Variants in THSD7A observed in about 807,000 individuals in gnomAD.
THSD7A encodes thrombospondin type-1 domain-containing protein 7A.
THSD7A carries 96 observed loss-of-function variants against 231.3 expected under a neutral mutation model. The ratio of observed to expected loss-of-function variants is 0.41; its 90% CI spans 0.35 to 0.49. The LOEUF (loss-of-function observed/expected upper bound fraction) is 0.49. Among genes scored for constraint, THSD7A ranks in the 20% least tolerant of loss-of-function variants. The pLI is 0.05. For synonymous variants in THSD7A, 940 were observed against 743.3 expected, an observed-to-expected ratio of 1.26 and a Z score of -4.30; for missense variants, 2,290 against 2,070.2, an observed-to-expected ratio of 1.11 and a Z score of -2.06.
chr7:11,432,477 C>A (rs1340160295), intron 13 of THSD7A, among the ~76,000 whole-genome samples: 2 of 152,018 alleles, frequency 1.3e-5, no homozygotes, highest in East Asian at 3.9e-4. Flanking sequence ...CAGCCACTGC[C>A]CCTTCTTACA....
intron 1 of THSD7A, among the ~76,000 whole-genome samples, chr7:11,819,372 G>C (rs1380547514): frequency 2.6e-5 from 4 of 152,102 alleles, no homozygotes; most frequent in Non-Finnish European, 4.4e-5. Context: ...ACAAAAATAT[G>C]CACATGAATA....
At position 11,636,923 on chromosome 7, in the gene THSD7A, C is replaced by G. The variant is rs774611290; in HGVS notation, c.229G>C (p.Gly77Arg). 1 of 1,612,450 alleles carries G rather than the reference C, an allele frequency of 6.2e-7. No individual in the cohort carries two copies. The highest frequency in any genetic ancestry group is 8.5e-7 in the Non-Finnish European group (1 of 1,179,674). Residue 77 changes from glycine to arginine, a missense_variant, in exon 2 of 28, where the codon GGA becomes CGA. Gly to Arg is a moderately radical substitution (Grantham distance 125). Coordinates refer to ENST00000423059, the MANE Select transcript of THSD7A (RefSeq NM_015204.3). This position sits in a 1 kb window ranked among gnomAD's most constrained non-coding sequence, Gnocchi z 10.0. ...CACACAGCCCTCGTTTGGATGCCTC[C>G]GGGACCACATTCATCTCCCATACAT... ...GRCMGDECGP[G>R]GIQTRAVWCA...
intron 1 of THSD7A, among the ~76,000 whole-genome samples, chr7:11,727,498 A>G (rs1781586351): frequency 6.6e-6 from 1 of 152,006 alleles, no homozygotes; most frequent in Non-Finnish European, 1.5e-5. Context: ...AATACTTATT[A>G]TAAGATAGAC....
chr7:11,695,220 A>G (rs1780351190), intron 1 of THSD7A, among the ~76,000 whole-genome samples: 1 of 151,502 alleles, frequency 6.6e-6, no homozygotes, highest in African/African-American at 2.4e-5. Context: ...CACTTTAACT[A>G]AAGGACAGTA....
chr7:11,585,727 T>A (rs1010533182), intron 4 of THSD7A, among the ~76,000 whole-genome samples: 2 of 152,090 alleles, frequency 1.3e-5, no homozygotes, highest in East Asian at 1.9e-4. Flanking sequence ...AGGTGGGAAC[T>A]GTGGCTGGAC....
chr7:11,526,591 C>T (rs974319725), intron 6 of THSD7A, among the ~76,000 whole-genome samples: 1 of 152,178 alleles, frequency 6.6e-6, no homozygotes, highest in Non-Finnish European at 1.5e-5. Context: ...CTGTGACATA[C>T]CAAGCACAAT....
chr7:11,420,685 C>T (rs1784114223), intron 16 of THSD7A, among the ~76,000 whole-genome samples: 1 of 152,174 alleles, frequency 6.6e-6, no homozygotes, highest in Non-Finnish European at 1.5e-5. Flanking sequence ...CTCCAGACCC[C>T]AGAATGACAG....
intron 7 of THSD7A, among the ~76,000 whole-genome samples, chr7:11,478,578 A>G (rs377553761): frequency 6.6e-5 from 10 of 152,200 alleles, no homozygotes; most frequent in African/African-American, 2.2e-4. Flanking sequence ...CCTAGCAATA[A>G]AAGGAAGTGA....
At chr7:11,761,553 T>C in intron 1 of THSD7A, among the ~76,000 whole-genome samples, 1 of 152,124 alleles carries the variant, frequency 6.6e-6, no homozygotes, top group Non-Finnish European at 1.5e-5. Flanking sequence ...TGTATATATC[T>C]ACATGTATAG....
chr7:11,646,168 C>A (rs961399396), intron 1 of THSD7A, among the ~76,000 whole-genome samples: 4 of 151,910 alleles, frequency 2.6e-5, no homozygotes, highest in Admixed American at 6.6e-5. Flanking sequence ...GTACTAATAG[C>A]CTCAATATCT....
Position 11,417,473 on chromosome 7 carries a change from C to A in THSD7A, c.3514G>T (p.Gly1172Cys). Residue 1172 changes from glycine to cysteine, a missense_variant, in exon 17 of 28, where the codon GGT becomes TGT. By Grantham distance (159) the Gly-to-Cys change is radical (BLOSUM62 -3). Coordinates refer to ENST00000423059, the MANE Select transcript of THSD7A (RefSeq NM_015204.3). ...CPEDCVISEW[G>C]PWTQCVLPCN... ...ACCAAAACACATTGGGTCCATGGACCCCATTCAGATATCACACAGTCCTCA... is the reference window on the plus strand; with the variant it reads ...ACCAAAACACATTGGGTCCATGGACACCATTCAGATATCACACAGTCCTCA... The A allele has an allele frequency of 6.2e-7, 1 of 1,607,962 alleles. No homozygotes were observed. The highest frequency in any genetic ancestry group is 2.2e-5 in the East Asian group (1 of 44,734).
rs760597413 is a variant in THSD7A, at chr7:11,462,085, G to A, written c.2427C>T (p.Asn809=). Residue 809 remains asparagine (N), a synonymous_variant, in exon 10 of 28, where the codon AAC becomes AAT. Transcript: ENST00000423059. The stretch of plus-strand genomic sequence containing the variant: ...GGGGATCTGTGCAGTCTCGGCCCCC[G>A]TTGGCTGGCAGCTGAATGATGACCC... ...RHRVIIQLPA[N]GGRDCTDPLY... is the part of the protein sequence containing the mutation. The A allele has an allele frequency of 1.7e-5, 27 of 1,613,758 alleles. No individual in the cohort carries two copies. Among genetic ancestry groups the A allele is most frequent in the Non-Finnish European group, 2.1e-5 (25 of 1,179,752 alleles).
intron 1 of THSD7A, among the ~76,000 whole-genome samples, chr7:11,805,022 C>A (rs117400563): frequency 0.019 from 2,835 of 152,192 alleles, 49 homozygotes; most frequent in Non-Finnish European, 0.031. Context: ...TGCATTGGTG[C>A]CCTATGGAAG....
At chr7:11,526,404 T>A (rs1472458380) in intron 6 of THSD7A, among the ~76,000 whole-genome samples, 1 of 152,176 alleles carries the variant, frequency 6.6e-6, no homozygotes, top group Non-Finnish European at 1.5e-5. Flanking sequence ...GAGAGTATAC[T>A]CTATCCACTG....
chr7:11,769,713 C>T (rs964103141), intron 1 of THSD7A, among the ~76,000 whole-genome samples: 1 of 152,000 alleles, frequency 6.6e-6, no homozygotes, highest in Non-Finnish European at 1.5e-5. Flanking sequence ...GCTTTTCCTT[C>T]TATTTATTTA....
At chr7:11,407,748 A>C (rs1221421619) in intron 19 of THSD7A, among the ~76,000 whole-genome samples, 2 of 152,200 alleles carry the variant, frequency 1.3e-5, no homozygotes, top group African/African-American at 4.8e-5. Context: ...AGTAAATATA[A>C]GCATAAATAC....
rs117059345 is a variant in THSD7A at position 11,771,697 on chromosome 7, C to T, written c.190+60060G>A. ...GCATACGAAAAAATACTCAACATCG[C>T]TAATTGATAAGGTTTGGATCTATCT... On this transcript the variant is annotated intron_variant, in intron 1 of 27. Coordinates refer to ENST00000423059, the MANE Select transcript of THSD7A (RefSeq NM_015204.3). Among the ~76,000 whole-genome samples the T allele has an allele frequency of 1.9e-4, 29 of 152,118 alleles. No homozygotes were observed. In the East Asian group the frequency reaches 2.9e-3, roughly 15 times the overall value.
chr7:11,626,718 T>C (rs1158923021), intron 2 of THSD7A, among the ~76,000 whole-genome samples: 1 of 152,118 alleles, frequency 6.6e-6, no homozygotes, highest in East Asian at 1.9e-4. Context: ...AAGATGACAC[T>C]AAATTTAAAA....
intron 9 of THSD7A, among the ~76,000 whole-genome samples, chr7:11,466,432 C>G (rs1001854976): frequency 2.6e-5 from 4 of 152,092 alleles, no homozygotes; most frequent in African/African-American, 9.7e-5. Context: ...ACACCATTGT[C>G]TCCTTATTCT....
Sources: allele counts gnomAD v4.1 joint callset (sites outside exome capture counted in the v4.1 genomes callset), GRCh38; gene constraint gnomAD v4.1.1; non-coding constraint Gnocchi (gnomAD v3.1); transcripts MANE v1.5; gene names NCBI Gene and HGNC (gene_info 2026-07-23, HGNC 2026-07-21).